Variants in QKI observed in about 807,000 individuals in gnomAD.
QKI encodes QKI, KH domain containing RNA binding.
In QKI, 10 loss-of-function variants were observed where a neutral mutation model predicts 39.0. The observed-to-expected ratio is 0.26, with a 90% CI of 0.16 to 0.43. The LOEUF is 0.43. QKI is among the 20% of genes least tolerant of loss of function. The pLI is 1.00. For synonymous variants in QKI, 204 were observed against 155.4 expected, an observed-to-expected ratio of 1.31 and a Z score of -2.33; for missense variants, 218 against 428.0, an observed-to-expected ratio of 0.51 and a Z score of 4.33.
In QKI at chr6:163,452,047, T is replaced by G. The variant is rs368734154; in HGVS notation, c.143-3232T>G. 1.3e-4 allele frequency among the ~76,000 whole-genome samples: 20 copies of G among 152,286 alleles called. 1 individual carries two copies. The highest frequency in any genetic ancestry group is 4.3e-4 in the African/African-American group (18 of 41,546). ...TAAATGGGGCTCTTGCATAGTAAGA[T>G]TGGAAACCAGTGGATTTAGTTCATT... On this transcript the variant is annotated intron_variant, in intron 1 of 7. Coordinates refer to ENST00000361752, the MANE Select transcript of QKI (RefSeq NM_006775.3).
chr6:163,478,979 T>G (rs1356962744), intron 3 of QKI, 83 bp downstream of exon 3: 2 of 1,250,876 alleles, frequency 1.6e-6, no homozygotes, highest in Non-Finnish European at 2.3e-6. Flanking sequence ...TCCAGATTTT[T>G]TTGTGCTTAA....
In QKI at chr6:163,574,814, A is replaced by C. The variant is rs529278219; in HGVS notation, c.*4104A>C. 2 of 152,328 alleles carry C rather than the reference A, an allele frequency of 1.3e-5. No homozygotes were observed. Among genetic ancestry groups the C allele is most frequent in the South Asian group, 2.1e-4 (1 of 4,828 alleles). 9.4% of individuals were successfully genotyped at this position (152,328 alleles called of 1,614,324 possible). A position where few individuals can be genotyped will look rare whatever the true frequency, so the allele number is the denominator to read the frequency against. On this transcript the variant is annotated 3_prime_UTR_variant, in exon 8 of 8. Transcript: ENST00000361752. ...ATGAATTTTTGCATTTGTAAATAAC[A>C]ATTTATCTTTGTAAATTACATTTTA...
chr6:163,542,146 AATT>A (rs1363871623), intron 4 of QKI, among the ~76,000 whole-genome samples: 3 of 151,974 alleles, frequency 2.0e-5, no homozygotes, highest in Non-Finnish European at 2.9e-5. Context: ...CAAAAAATGA[AATT>A]ATATAACATT....
chr6:163,452,072 T>C (rs186472947), intron 1 of QKI, among the ~76,000 whole-genome samples: 207 of 152,314 alleles, frequency 1.4e-3, no homozygotes, highest in Non-Finnish European at 2.2e-3. Flanking sequence ...TTTAGTTCAT[T>C]CATTGAATAA....
intron 4 of QKI, among the ~76,000 whole-genome samples, chr6:163,536,572 G>C (rs1781225608): frequency 6.6e-6 from 1 of 152,100 alleles, no homozygotes; most frequent in East Asian, 1.9e-4. Context: ...GGATCAACTG[G>C]ATATTGTTAG....
At chr6:163,514,577 A>G (rs1403273498) in intron 3 of QKI, among the ~76,000 whole-genome samples, 1 of 152,152 alleles carries the variant, frequency 6.6e-6, no homozygotes, top group Non-Finnish European at 1.5e-5. Context: ...AATTGTCTGT[A>G]TGACTGAGGG....
At chr6:163,488,973 CTTTTTT>C (rs767477914) in intron 3 of QKI, among the ~76,000 whole-genome samples, 2 of 122,120 alleles carry the variant, frequency 1.6e-5, no homozygotes, top group South Asian at 2.5e-4. Context: ...CCTTCCATTT[CTTTTTT>C]TTTTTTTTTT....
chr6:163,467,930 CAGT>C (rs148680526), intron 2 of QKI, among the ~76,000 whole-genome samples: 1,547 of 152,236 alleles, frequency 0.01, 26 homozygotes, highest in African/African-American at 0.034. Context: ...ACTTTCAACT[CAGT>C]GGTGGGTTTA....
intron 2 of QKI, 124 bp from the exon 3 acceptor site, chr6:163,478,656 A>C (rs1228054988): frequency 9.1e-6 from 6 of 658,494 alleles, no homozygotes; most frequent in Non-Finnish European, 1.6e-5. Flanking sequence ...TCTAGATTTT[A>C]TTTCAACTTA....
intron 2 of QKI, among the ~76,000 whole-genome samples, chr6:163,465,699 G>A (rs1413497154): frequency 6.6e-6 from 1 of 151,626 alleles, no homozygotes; most frequent in Non-Finnish European, 1.5e-5. Flanking sequence ...ATTTGCAGTG[G>A]CATAATCTTG....
chr6:163,501,315 C>G (rs1009184090), intron 3 of QKI, among the ~76,000 whole-genome samples: 5 of 150,514 alleles, frequency 3.3e-5, no homozygotes, highest in Non-Finnish European at 7.4e-5. Flanking sequence ...GCATTTGAGG[C>G]AGAGATTTTT....
At chr6:163,518,266 C>G (rs1353034059) in intron 3 of QKI, among the ~76,000 whole-genome samples, 2 of 151,996 alleles carry the variant, frequency 1.3e-5, no homozygotes, top group Non-Finnish European at 2.9e-5. Context: ...CAACAGACTT[C>G]AAAAAAATTT....
intron 3 of QKI, among the ~76,000 whole-genome samples, chr6:163,528,747 A>C (rs1780669504): frequency 6.6e-6 from 1 of 152,174 alleles, no homozygotes; most frequent in African/African-American, 2.4e-5. Flanking sequence ...ATCAAGTGTG[A>C]ATGAATTATA....
intron 3 of QKI, among the ~76,000 whole-genome samples, chr6:163,513,690 C>A (rs1378237606): frequency 1.3e-5 from 2 of 152,104 alleles, no homozygotes; most frequent in East Asian, 3.9e-4. Flanking sequence ...AGAATTTCTT[C>A]CCAGGCCATT....
chr6:163,474,542 C>T (rs1360214475), intron 2 of QKI, among the ~76,000 whole-genome samples: 3 of 151,768 alleles, frequency 2.0e-5, no homozygotes, highest in Admixed American at 6.6e-5. Context: ...TTATGATATA[C>T]GGTAGCAGAA....
chr6:163,572,256 A>C lies in QKI; in HGVS notation c.*1546A>C, dbSNP rs937232324. On this transcript the variant is annotated 3_prime_UTR_variant, in exon 8 of 8. Coordinates refer to ENST00000361752, the MANE Select transcript of QKI (RefSeq NM_006775.3). ...TGTTTTATTTGGAGAAGGGGGATGC[A>C]TTCATTTGATTTTGTTTTTTGTTTT... 1.3e-5 allele frequency: 2 copies of C among 152,204 alleles called. No individual in the cohort carries two copies. The highest frequency in any genetic ancestry group is 4.8e-5 in the African/African-American group (2 of 41,452). The allele number at this position is 152,204 out of a possible 1,614,324, so 9.4% of individuals were successfully genotyped here.
intron 3 of QKI, among the ~76,000 whole-genome samples, chr6:163,510,918 C>T (rs1562499839): frequency 6.6e-6 from 1 of 152,068 alleles, no homozygotes; most frequent in Non-Finnish European, 1.5e-5. Context: ...TATTATTAGC[C>T]ATTCTTGATC....
chr6:163,555,504 C>T (rs868796591), intron 4 of QKI, among the ~76,000 whole-genome samples: 12 of 89,714 alleles, frequency 1.3e-4, no homozygotes, highest in Middle Eastern at 8.2e-3. Flanking sequence ...AGCGAAACTC[C>T]AGCTCAAAAA....
chr6:163,415,622 C>T (rs1050567270), intron 1 of QKI, among the ~76,000 whole-genome samples: 20 of 151,736 alleles, frequency 1.3e-4, no homozygotes, highest in African/African-American at 4.6e-4. Flanking sequence ...GCCCTGCGGC[C>T]CCTCTAGCTT....
Sources: allele counts gnomAD v4.1 joint callset (sites outside exome capture counted in the v4.1 genomes callset), GRCh38; gene constraint gnomAD v4.1.1; transcripts MANE v1.5; gene names NCBI Gene and HGNC (gene_info 2026-07-23, HGNC 2026-07-21).